The following CDH22 variants were observed in gnomAD, a reference collection of about 807,000 sequenced individuals.
CDH22 encodes cadherin 22.
Under a neutral mutation model 58.4 loss-of-function variants are expected in CDH22, and 30 were observed. That is an observed-to-expected ratio of 0.51 (90% CI 0.38 to 0.70). CDH22 has a LOEUF of 0.70. CDH22 is among the 30% of genes least tolerant of loss of function. CDH22 has a pLI of 0.00. For missense variants in CDH22, 1,014 were observed against 1,233.9 expected, an observed-to-expected ratio of 0.82 and a Z score of 2.67; for synonymous variants, 513 against 558.2, an observed-to-expected ratio of 0.92 and a Z score of 1.14.
chr20:46,185,104 A>T (rs1247049598), intron 10 of CDH22, among the ~76,000 whole-genome samples: 1 of 131,710 alleles, frequency 7.6e-6, no homozygotes, highest in Admixed American at 7.7e-5. Flanking sequence ...AAACAAACAA[A>T]AAACAACAAA....
At chr20:46,240,347 G>C (rs1341482104) in intron 3 of CDH22, among the ~76,000 whole-genome samples, 1 of 152,170 alleles carries the variant, frequency 6.6e-6, no homozygotes, top group Non-Finnish European at 1.5e-5. Context: ...GTCAGGGTGT[G>C]AGGTCGTGGG....
intron 1 of CDH22, among the ~76,000 whole-genome samples, chr20:46,303,953 C>T (rs1344593644): frequency 6.6e-6 from 1 of 152,056 alleles, no homozygotes; most frequent in Non-Finnish European, 1.5e-5. Context: ...GAGGCTGCCA[C>T]AACAGGTTAG....
Position 46,210,544 on chromosome 20 carries a change from G to A in CDH22, c.1049C>T (p.Ser350Phe), listed in dbSNP as rs765073257. The A allele has an allele frequency of 2.3e-5, 33 of 1,428,400 alleles. No individual in the cohort carries two copies. Among genetic ancestry groups the A allele is most frequent in the Admixed American group, 1.8e-4 (6 of 34,122 alleles). The allele number at this position is 1,428,400 out of a possible 1,614,324, so 88.5% of individuals were successfully genotyped here. ...CAGGATCACGGTGTGCACGGGCTGG[G>A]ATTCGAAGTCCAGGCGCTGCGGGAG... ...IVVQKRLDFE[S>F]QPVHTVILEA... The change falls in exon 7 of 12, where the codon TCC becomes TTC. Residue 350 changes from serine to phenylalanine, a missense_variant. Transcript: ENST00000537909. This position sits in a 1 kb window ranked among gnomAD's most constrained non-coding sequence, Gnocchi z 4.5.
At chr20:46,221,025 G>T (rs2086120736) in intron 4 of CDH22, among the ~76,000 whole-genome samples, 1 of 152,146 alleles carries the variant, frequency 6.6e-6, no homozygotes, top group Non-Finnish European at 1.5e-5. Context: ...GGTTTGATAA[G>T]CCCCTGTATG....
intron 2 of CDH22, among the ~76,000 whole-genome samples, chr20:46,244,509 T>C (rs1179254370): frequency 1.3e-5 from 2 of 152,258 alleles, no homozygotes; most frequent in African/African-American, 2.4e-5. Context: ...CTCTCATTTA[T>C]TGAGAACCTA....
intron 8 of CDH22, among the ~76,000 whole-genome samples, chr20:46,196,268 G>C (rs899830958): frequency 2.6e-5 from 4 of 151,866 alleles, no homozygotes; most frequent in Non-Finnish European, 5.9e-5. Context: ...GAGTGGGTCA[G>C]TTATTTGTGG....
At chr20:46,271,856 TC>T (rs11477645) in intron 1 of CDH22, among the ~76,000 whole-genome samples, 3,587 of 152,222 alleles carry the variant, frequency 0.024, 95 homozygotes, top group African/African-American at 0.063. Flanking sequence ...CTATAATGAC[TC>T]CCAAGCTTAG....
rs1276753448 is a variant in CDH22, at chr20:46,251,899, C to T, written c.-399-206G>A. ...GGCGCCCTCTCCCGCACATCGCAGC[C>T]TCTCCTTTCACCTGGCATCATACGC... On this transcript the variant is annotated intron_variant, in intron 1 of 11. Coordinates refer to ENST00000537909, the MANE Select transcript of CDH22 (RefSeq NM_021248.3). The surrounding 1 kb of genome is among the most constrained non-coding windows in gnomAD (Gnocchi z 6.7). Among the ~76,000 whole-genome samples, 5 of 151,984 alleles carry T rather than the reference C, an allele frequency of 3.3e-5. No homozygotes were observed. Among genetic ancestry groups the T allele is most frequent in the South Asian group, 2.1e-4 (1 of 4,816 alleles).
intron 1 of CDH22, among the ~76,000 whole-genome samples, chr20:46,268,059 T>C (rs1253312632): frequency 1.3e-5 from 2 of 152,278 alleles, no homozygotes; most frequent in African/African-American, 2.4e-5. Context: ...TACCAGATAT[T>C]GGACATGGGT....
intron 6 of CDH22, among the ~76,000 whole-genome samples, chr20:46,212,479 T>C (rs1220620772): frequency 1.3e-5 from 2 of 152,162 alleles, no homozygotes; most frequent in African/African-American, 4.8e-5. Context: ...TTCTGGTTCC[T>C]GGGCCAGCCA....
intron 8 of CDH22, among the ~76,000 whole-genome samples, chr20:46,191,461 G>T (rs537412524): frequency 6.6e-6 from 1 of 152,180 alleles, no homozygotes; most frequent in African/African-American, 2.4e-5. Context: ...AAGAGGAGAC[G>T]GGGCCTGGCC....
intron 3 of CDH22, 68 bp downstream of exon 3, chr20:46,240,895 C>A: frequency 7.1e-7 from 1 of 1,404,114 alleles, no homozygotes. Context: ...CAGCTACTCC[C>A]CTTCCCAGCA....
At chr20:46,215,833 ACCC>A (rs1392331034) in intron 5 of CDH22, among the ~76,000 whole-genome samples, 1 of 152,128 alleles carries the variant, frequency 6.6e-6, no homozygotes, top group African/African-American at 2.4e-5. Context: ...CACCCATGCC[ACCC>A]GTCTGCATGG....
At chr20:46,228,290 C>A (rs949948855) in intron 3 of CDH22, among the ~76,000 whole-genome samples, 2 of 152,196 alleles carry the variant, frequency 1.3e-5, no homozygotes, top group Non-Finnish European at 2.9e-5. Flanking sequence ...TGGCTGCGGG[C>A]CCTGGTGCCC....
chr20:46,246,947 C>T (rs939641147), intron 2 of CDH22, among the ~76,000 whole-genome samples: 2 of 145,134 alleles, frequency 1.4e-5, no homozygotes, highest in African/African-American at 2.6e-5. Flanking sequence ...CACAAGCACT[C>T]GTACATACGA....
intron 4 of CDH22, among the ~76,000 whole-genome samples, chr20:46,225,735 C>T (rs2086166027): frequency 6.6e-6 from 1 of 151,652 alleles, no homozygotes; most frequent in South Asian, 2.1e-4. Flanking sequence ...GATGTATACA[C>T]CAAGTGGCTA....
At chr20:46,218,037 C>T (rs1274009430) in intron 4 of CDH22, among the ~76,000 whole-genome samples, 1 of 152,118 alleles carries the variant, frequency 6.6e-6, no homozygotes, top group Non-Finnish European at 1.5e-5. Flanking sequence ...AACTCTCCTG[C>T]CTCAGCCTCC....
At chr20:46,307,727 A>C (rs907533779) in intron 1 of CDH22, among the ~76,000 whole-genome samples, 8 of 151,960 alleles carry the variant, frequency 5.3e-5, no homozygotes, top group Admixed American at 2.6e-4. Flanking sequence ...GACCTCGCAC[A>C]CACACACCGC....
chr20:46,272,485 T>C (rs987265382), intron 1 of CDH22, among the ~76,000 whole-genome samples: 1 of 152,004 alleles, frequency 6.6e-6, no homozygotes, highest in Non-Finnish European at 1.5e-5. Flanking sequence ...TGGAGAGAGA[T>C]AGAGAACAGG....
Sources: gnomAD v4.1 joint callset for allele counts (sites outside exome capture counted in the v4.1 genomes callset) on GRCh38, gnomAD v4.1.1 for gene constraint, Gnocchi (gnomAD v3.1) non-coding constraint, MANE v1.5 for transcripts, NCBI Gene and HGNC (gene_info 2026-07-23, HGNC 2026-07-21) for gene names.